DGKI: variants seen among roughly 807,000 people sequenced by gnomAD.
DGKI encodes DAG kinase iota.
DGKI carries 55 observed loss-of-function variants against 147.5 expected under a neutral mutation model. The observed-to-expected ratio is 0.37, with a 90% CI of 0.30 to 0.47. The LOEUF (loss-of-function observed/expected upper bound fraction) is 0.47. Among genes scored for constraint, DGKI ranks in the 20% least tolerant of loss-of-function variants. The probability of loss-of-function intolerance (pLI) is 1.00; values close to 1 mark genes in which losing one functional copy is unlikely to be tolerated. For synonymous variants in DGKI, 469 were observed against 477.1 expected, an observed-to-expected ratio of 0.98 and a Z score of 0.22; for missense variants, 1,007 against 1,323.8, an observed-to-expected ratio of 0.76 and a Z score of 3.71.
chr7:137,627,933 A>G (rs1820999755), intron 6 of DGKI, among the ~76,000 whole-genome samples: 1 of 152,232 alleles, frequency 6.6e-6, no homozygotes, highest in South Asian at 2.1e-4. Context: ...AACCTCTCCT[A>G]TAACACTAAG....
chr7:137,744,185 C>G (rs1011093595), intron 1 of DGKI, among the ~76,000 whole-genome samples: 1 of 151,936 alleles, frequency 6.6e-6, no homozygotes, highest in African/African-American at 2.4e-5. Context: ...CAAATAAGCA[C>G]AATCAGAAAT....
chr7:137,750,732 T>C (rs1368557048), intron 1 of DGKI, among the ~76,000 whole-genome samples: 1 of 152,170 alleles, frequency 6.6e-6, no homozygotes, highest in Non-Finnish European at 1.5e-5. Flanking sequence ...GAGTCCTGAA[T>C]GGCTTTTCAA....
chr7:137,441,420 CAAAAAAA>C (rs538892825), intron 28 of DGKI, among the ~76,000 whole-genome samples: 19 of 67,550 alleles, frequency 2.8e-4, no homozygotes, highest in Non-Finnish European at 3.9e-4. Context: ...GACTCCGTCT[CAAAAAAA>C]AAAAAAAAAA....
intron 12 of DGKI, among the ~76,000 whole-genome samples, chr7:137,594,660 A>C (rs139804693): frequency 0.018 from 2,799 of 152,322 alleles, 35 homozygotes; most frequent in Non-Finnish European, 0.027. Flanking sequence ...ATTCAGAATT[A>C]TACTCCACTT....
intron 12 of DGKI, among the ~76,000 whole-genome samples, chr7:137,588,694 T>G (rs1395251307): frequency 1.3e-5 from 2 of 152,084 alleles, no homozygotes; most frequent in Non-Finnish European, 1.5e-5. Context: ...GCCAGGATGG[T>G]CTCAATCTCC....
intron 23 of DGKI, among the ~76,000 whole-genome samples, chr7:137,470,178 A>C (rs1585144818): frequency 6.6e-6 from 1 of 152,232 alleles, no homozygotes; most frequent in African/African-American, 2.4e-5. Flanking sequence ...GGAGTAGACA[A>C]GGAAGAAAAG....
chr7:137,615,561 G>A (rs935998722), intron 8 of DGKI, among the ~76,000 whole-genome samples: 4 of 151,534 alleles, frequency 2.6e-5, no homozygotes, highest in Non-Finnish European at 5.9e-5. Flanking sequence ...GTGTGTGTGT[G>A]TGTGTGTGTA....
At chr7:137,820,642 C>T (rs538328704) in intron 1 of DGKI, among the ~76,000 whole-genome samples, 48 of 152,280 alleles carry the variant, frequency 3.2e-4, no homozygotes, top group African/African-American at 1.1e-3. Context: ...CCTTCTAGAA[C>T]ACCAATCCCA....
intron 2 of DGKI, among the ~76,000 whole-genome samples, chr7:137,687,327 T>C (rs1823453191): frequency 1.3e-5 from 2 of 152,186 alleles, no homozygotes; most frequent in South Asian, 4.1e-4. Flanking sequence ...ACCCTTTTCA[T>C]TGCTCAATAA....
At chr7:137,697,732 T>C (rs1231894805) in intron 1 of DGKI, among the ~76,000 whole-genome samples, 1 of 152,124 alleles carries the variant, frequency 6.6e-6, no homozygotes, top group Non-Finnish European at 1.5e-5. Context: ...GAGTATCAGA[T>C]GAGAGTCAAT....
intron 6 of DGKI, among the ~76,000 whole-genome samples, chr7:137,641,656 A>G (rs1488216092): frequency 1.3e-5 from 2 of 152,230 alleles, no homozygotes; most frequent in Non-Finnish European, 2.9e-5. Context: ...AATCTGAAAA[A>G]AATCTAAATC....
chr7:137,619,786 C>G, intron 8 of DGKI, 38 bp downstream of exon 8: 2 of 1,517,744 alleles, frequency 1.3e-6, no homozygotes, highest in Non-Finnish European at 1.8e-6. Context: ...TCATTTTTCT[C>G]TGCACTGGCC....
intron 28 of DGKI, among the ~76,000 whole-genome samples, chr7:137,421,971 C>T (rs533137330): frequency 1.3e-5 from 2 of 152,282 alleles, no homozygotes; most frequent in Middle Eastern, 3.4e-3. Flanking sequence ...ACACAGATAT[C>T]TTCAAATCTC....
Position 137,608,962 on chromosome 7 carries a change from T to G in DGKI, c.1167+4A>C. 6.2e-7 allele frequency: 1 copy of G among 1,601,906 alleles called. No homozygotes were observed. Among genetic ancestry groups the G allele is most frequent in the African/African-American group, 1.3e-5 (1 of 74,696 alleles). On this transcript the variant is annotated splice_donor_region_variant and intron_variant, in intron 10 of 32. Transcript: ENST00000614521. ...TAAGTTGAAAATCATGAAAAATTACTCACCTGGTTGCCTCCACTCTTGGGA... is the reference window on the plus strand; with the variant it reads ...TAAGTTGAAAATCATGAAAAATTACGCACCTGGTTGCCTCCACTCTTGGGA...
intron 1 of DGKI, among the ~76,000 whole-genome samples, chr7:137,822,572 C>T (rs1167899847): frequency 8.5e-5 from 13 of 152,118 alleles, no homozygotes. Flanking sequence ...GCATAAGTCA[C>T]AGACATGCAC....
chr7:137,576,218 G>C (rs1818970287), intron 17 of DGKI, among the ~76,000 whole-genome samples: 1 of 151,290 alleles, frequency 6.6e-6, no homozygotes, highest in Non-Finnish European at 1.5e-5. Context: ...TTTGTATTTT[G>C]ATAGAGATGG....
chr7:137,645,582 C>A (rs566540158), intron 5 of DGKI, 45 bp from the exon 6 acceptor site: 3 of 1,534,596 alleles, frequency 2.0e-6, no homozygotes, highest in Admixed American at 1.8e-5. Context: ...AAATTTATTT[C>A]TATAGACAGG....
intron 5 of DGKI, among the ~76,000 whole-genome samples, chr7:137,653,136 G>A (rs1480918128): frequency 3.9e-5 from 6 of 152,258 alleles, no homozygotes. Flanking sequence ...GTTTGTGTGT[G>A]TGTGTGTGCG....
At chr7:137,441,550 CAAGAT>C (rs1813509634) in intron 28 of DGKI, among the ~76,000 whole-genome samples, 1 of 150,826 alleles carries the variant, frequency 6.6e-6, no homozygotes, top group Non-Finnish European at 1.5e-5. Flanking sequence ...AGAAAACAAA[CAAGAT>C]AAGGTAAAGG....
Sources: allele counts gnomAD v4.1 joint callset (sites outside exome capture counted in the v4.1 genomes callset), GRCh38; gene constraint gnomAD v4.1.1; transcripts MANE v1.5; gene names NCBI Gene and HGNC (gene_info 2026-07-23, HGNC 2026-07-21).